NRF1: variants seen among roughly 807,000 people sequenced by gnomAD.
The protein encoded by NRF1 is alpha palindromic-binding protein.
NRF1 carries 5 observed loss-of-function variants against 58.5 expected under a neutral mutation model. The observed-to-expected ratio is 0.09, with a 90% CI of 0.04 to 0.18. NRF1 has a LOEUF of 0.18. NRF1 is among the 10% of genes least tolerant of loss of function. NRF1 has a pLI of 1.00. For synonymous variants in NRF1, 224 were observed against 246.7 expected (o/e 0.91, Z 0.86); for missense variants, 288 against 657.7 (o/e 0.44, Z 6.15).
chr7:129,669,005 T>C (rs1044872635), intron 2 of NRF1, among the ~76,000 whole-genome samples: 2 of 152,160 alleles, frequency 1.3e-5, no homozygotes, highest in Non-Finnish European at 1.5e-5. Context: ...CAGAGTGCAG[T>C]GGAGTGATCT....
chr7:129,755,532 A>G lies in NRF1; in HGVS notation c.*351A>G, dbSNP rs1185084302. The G allele has an allele frequency of 2.8e-5, 2 of 71,522 alleles. No individual in the cohort carries two copies. Among genetic ancestry groups the G allele is most frequent in the African/African-American group, 5.8e-5 (1 of 17,176 alleles). 4.4% of individuals were successfully genotyped at this position (71,522 alleles called of 1,614,324 possible). Reference sequence around the variant, plus strand: ...TGGACATACACATTTACATATATATAAAGTATATATATACATATATATATA... The same window carrying G: ...TGGACATACACATTTACATATATATGAAGTATATATATACATATATATATA... On this transcript the variant is annotated 3_prime_UTR_variant, in exon 11 of 11. Coordinates refer to ENST00000393232, the MANE Select transcript of NRF1 (RefSeq NM_005011.5). The surrounding 1 kb of genome is among the most constrained non-coding windows in gnomAD (Gnocchi z 5.8).
At chr7:129,737,348 T>C (rs1043317733) in intron 10 of NRF1, among the ~76,000 whole-genome samples, 2 of 152,248 alleles carry the variant, frequency 1.3e-5, no homozygotes, top group African/African-American at 4.8e-5. Context: ...TTTGCGGTCA[T>C]GAGTGTGGCC....
chr7:129,611,945 C>T (rs1256083461), intron 1 of NRF1, 121 bp downstream of exon 1: 1 of 148,414 alleles, frequency 6.7e-6, no homozygotes, highest in Non-Finnish European at 1.5e-5. Context: ...CGGCTCTGGG[C>T]CTGGGCCCCC....
chr7:129,625,872 T>C (rs183715473), intron 1 of NRF1, among the ~76,000 whole-genome samples: 334 of 152,092 alleles, frequency 2.2e-3, no homozygotes, highest in Non-Finnish European at 1.9e-3. Context: ...TTAGTAGAGA[T>C]GGGGTTTCAC....
intron 10 of NRF1, among the ~76,000 whole-genome samples, chr7:129,750,216 A>T (rs1379246113): frequency 6.6e-6 from 1 of 152,214 alleles, no homozygotes; most frequent in African/African-American, 2.4e-5. Context: ...AATGACCCAG[A>T]ATACAAGCTT....
At chr7:129,740,665 T>C (rs1484323810) in intron 10 of NRF1, among the ~76,000 whole-genome samples, 2 of 152,230 alleles carry the variant, frequency 1.3e-5, no homozygotes, top group African/African-American at 4.8e-5. Context: ...TGTGGACACC[T>C]TCAGAAAGAC....
intron 5 of NRF1, 53 bp downstream of exon 5, chr7:129,690,599 G>A: frequency 6.3e-7 from 1 of 1,595,456 alleles, no homozygotes; most frequent in Non-Finnish European, 8.6e-7. Flanking sequence ...ACAGGTGTGG[G>A]CGGGCCTCTG....
intron 1 of NRF1, among the ~76,000 whole-genome samples, chr7:129,624,491 G>A (rs73466626): frequency 0.016 from 2,490 of 152,096 alleles, 63 homozygotes; most frequent in African/African-American, 0.057. Context: ...ATAATTTTAG[G>A]AACTCAGGAT....
chr7:129,679,343 G>A (rs1802252971), intron 4 of NRF1, among the ~76,000 whole-genome samples: 1 of 152,138 alleles, frequency 6.6e-6, no homozygotes. Flanking sequence ...AAGACAACAT[G>A]CAGAGTGGGA....
intron 5 of NRF1, among the ~76,000 whole-genome samples, chr7:129,695,107 G>A (rs1267874409): frequency 1.3e-5 from 2 of 152,104 alleles, no homozygotes; most frequent in Non-Finnish European, 1.5e-5. Flanking sequence ...TTGTAAAGTA[G>A]CATTTTTTAT....
intron 5 of NRF1, among the ~76,000 whole-genome samples, chr7:129,700,809 A>C (rs972368756): frequency 2.0e-5 from 3 of 152,264 alleles, no homozygotes; most frequent in Admixed American, 6.5e-5. Context: ...CCACCTACTC[A>C]GGAGGCTGAG....
intron 8 of NRF1, among the ~76,000 whole-genome samples, chr7:129,712,542 C>T (rs1428524960): frequency 1.2e-4 from 18 of 152,222 alleles, no homozygotes; most frequent in Admixed American, 1.2e-3. Flanking sequence ...GAGTGCACCA[C>T]AGGCTCCTTG....
chr7:129,706,857 A>T (rs1332797713), intron 5 of NRF1, among the ~76,000 whole-genome samples: 1 of 152,222 alleles, frequency 6.6e-6, no homozygotes, highest in East Asian at 1.9e-4. Flanking sequence ...AGAGGGTTCC[A>T]GGTGGATCTG....
At chr7:129,731,185 C>T (rs191226134) in intron 10 of NRF1, among the ~76,000 whole-genome samples, 158 of 151,464 alleles carry the variant, frequency 1.0e-3, no homozygotes, top group African/African-American at 3.8e-3. Context: ...GCACGAGAAT[C>T]GCTTGAACCC....
intron 1 of NRF1, among the ~76,000 whole-genome samples, chr7:129,632,736 A>G (rs1356245111): frequency 2.0e-5 from 3 of 152,160 alleles, no homozygotes; most frequent in African/African-American, 7.2e-5. Context: ...CTTTATTGGT[A>G]CATGTAGTTA....
At chr7:129,670,065 A>G (rs1273030299) in intron 2 of NRF1, among the ~76,000 whole-genome samples, 1 of 152,264 alleles carries the variant, frequency 6.6e-6, no homozygotes, top group Non-Finnish European at 1.5e-5. Flanking sequence ...CCTTGGGGAC[A>G]TTATGATAAG....
chr7:129,660,482 TG>T (rs1801754948), intron 2 of NRF1, among the ~76,000 whole-genome samples: 1 of 150,618 alleles, frequency 6.6e-6, no homozygotes. Context: ...CTAGATACAG[TG>T]GGGGTACAGG....
chr7:129,629,627 G>A (rs1801004031), intron 1 of NRF1, among the ~76,000 whole-genome samples: 1 of 152,166 alleles, frequency 6.6e-6, no homozygotes, highest in Non-Finnish European at 1.5e-5. Context: ...AAAGCTGAAT[G>A]CAACACTTCT....
At chr7:129,700,241 A>T in intron 5 of NRF1, among the ~76,000 whole-genome samples, 1 of 152,136 alleles carries the variant, frequency 6.6e-6, no homozygotes, top group Non-Finnish European at 1.5e-5. Flanking sequence ...ATGTTATGTT[A>T]TGTGTATTTT....
Sources: gnomAD v4.1 joint callset for allele counts (sites outside exome capture counted in the v4.1 genomes callset) on GRCh38, gnomAD v4.1.1 for gene constraint, Gnocchi (gnomAD v3.1) non-coding constraint, MANE v1.5 for transcripts, NCBI Gene and HGNC (gene_info 2026-07-23, HGNC 2026-07-21) for gene names.